The following FAM241A variants were observed in gnomAD, a reference collection of about 807,000 sequenced individuals.
FAM241A encodes family with sequence similarity 241 member A, also known as uncharacterized protein FAM241A.
FAM241A carries 7 observed loss-of-function variants against 12.2 expected under a neutral mutation model. The observed-to-expected ratio is 0.58, with a 90% CI of 0.33 to 1.08. The LOEUF (loss-of-function observed/expected upper bound fraction) is 1.08. Ranked by LOEUF, FAM241A falls within the 50% of genes least tolerant of loss-of-function variation. FAM241A has a pLI of 0.04. For missense variants in FAM241A, 161 were observed against 169.7 expected (o/e 0.95, Z 0.29); for synonymous variants, 74 against 68.2 (o/e 1.08, Z -0.42).
intron 1 of FAM241A, among the ~76,000 whole-genome samples, chr4:112,178,099 G>T (rs1560584993): frequency 1.3e-5 from 2 of 152,178 alleles, no homozygotes; most frequent in East Asian, 1.9e-4. Context: ...CCCTTAGTGG[G>T]TTCAAAGCTA....
In FAM241A at chr4:112,183,637, CA is replaced by C. The variant is rs548921668; in HGVS notation, c.154-3048del. Among the ~76,000 whole-genome samples, 6 of 145,506 alleles carry C rather than the reference CA, an allele frequency of 4.1e-5. No homozygotes were observed. In the South Asian group the frequency reaches 1.3e-3, roughly 32 times the overall value. Reference sequence around the variant, plus strand: ...AAGTCTTAAAAAGCTTCAGTAACAACAAAAAAAACCCCAAAGTACAATGAGT... The same window carrying C: ...AAGTCTTAAAAAGCTTCAGTAACAACAAAAAAACCCCAAAGTACAATGAGT... On this transcript the variant is annotated intron_variant, in intron 1 of 1. Coordinates refer to ENST00000309733, the MANE Select transcript of FAM241A (RefSeq NM_152400.3).
chr4:112,175,992 C>A (rs1461430544), intron 1 of FAM241A, among the ~76,000 whole-genome samples: 2 of 152,142 alleles, frequency 1.3e-5, no homozygotes, highest in Non-Finnish European at 2.9e-5. Flanking sequence ...ATACTGGACA[C>A]AGGAAGACAG....
At chr4:112,150,855 A>C (rs1194361910) in intron 1 of FAM241A, among the ~76,000 whole-genome samples, 2 of 152,252 alleles carry the variant, frequency 1.3e-5, no homozygotes, top group Non-Finnish European at 2.9e-5. Flanking sequence ...TATATGAATT[A>C]ATAATATATG....
chr4:112,159,431 T>C (rs2110423431), intron 1 of FAM241A, among the ~76,000 whole-genome samples: 1 of 152,272 alleles, frequency 6.6e-6, no homozygotes, highest in African/African-American at 2.4e-5. Flanking sequence ...ATTTCCTCTT[T>C]TAAAGGGTGC....
At chr4:112,149,245 A>G (rs1723199378) in intron 1 of FAM241A, among the ~76,000 whole-genome samples, 1 of 152,006 alleles carries the variant, frequency 6.6e-6, no homozygotes, top group Admixed American at 6.6e-5. Context: ...GCCTCAAGCA[A>G]TCCTCCCGTC....
intron 1 of FAM241A, among the ~76,000 whole-genome samples, chr4:112,185,902 T>C (rs926743541): frequency 2.0e-5 from 3 of 152,172 alleles, no homozygotes; most frequent in Non-Finnish European, 4.4e-5. Flanking sequence ...AACAGCAAAT[T>C]CCTTCTTCCT....
At chr4:112,177,304 T>TATATCC (rs1484121453) in intron 1 of FAM241A, among the ~76,000 whole-genome samples, 1 of 152,212 alleles carries the variant, frequency 6.6e-6, no homozygotes, top group Non-Finnish European at 1.5e-5. Flanking sequence ...AAAGTGTATT[T>TATATCC]ATATAGCTTA....
chr4:112,175,490 G>A lies in FAM241A; in HGVS notation c.154-11203G>A, dbSNP rs369282547. 5.3e-5 allele frequency among the ~76,000 whole-genome samples: 8 copies of A among 152,230 alleles called. No homozygotes were observed. In the East Asian group the frequency reaches 1.4e-3, roughly 26 times the overall value. On this transcript the variant is annotated intron_variant, in intron 1 of 1. Coordinates refer to ENST00000309733, the MANE Select transcript of FAM241A (RefSeq NM_152400.3). ...TCCCAAGAAAATGAAATGTTCAGCC[G>A]GGTGTGGTGGCTCACACCGGTACTC...
chr4:112,154,027 G>A (rs961915169), intron 1 of FAM241A, among the ~76,000 whole-genome samples: 1 of 151,804 alleles, frequency 6.6e-6, no homozygotes, highest in Non-Finnish European at 1.5e-5. Context: ...AATTTTACTT[G>A]AATGTCTGCA....
rs1483993114 is a variant in FAM241A at position 112,187,684 on chromosome 4, A to AG, written c.*747dup. 7.9e-5 allele frequency: 12 copies of AG among 152,648 alleles called. No individual in the cohort carries two copies. Among genetic ancestry groups the AG allele is most frequent in the Admixed American group, 2.6e-4 (4 of 15,290 alleles). 9.5% of individuals were successfully genotyped at this position (152,648 alleles called of 1,614,324 possible). ...GTGAGTTTTTAAAGTCTCATAGCCTAGTTGACTGCACCCTATGGTAATGCC... is the reference window on the plus strand; with the variant it reads ...GTGAGTTTTTAAAGTCTCATAGCCTAGGTTGACTGCACCCTATGGTAATGCC... On this transcript the variant is annotated 3_prime_UTR_variant, in exon 2 of 2. Transcript: ENST00000309733.
chr4:112,148,702 C>T (rs922654032), intron 1 of FAM241A, among the ~76,000 whole-genome samples: 9 of 152,130 alleles, frequency 5.9e-5, no homozygotes, highest in African/African-American at 2.2e-4. Context: ...CACAGCTATT[C>T]CATATATGTG....
chr4:112,150,722 G>A (rs925526705), intron 1 of FAM241A, among the ~76,000 whole-genome samples: 9 of 152,314 alleles, frequency 5.9e-5, no homozygotes, highest in Admixed American at 1.3e-4. Context: ...CTAGATCAGG[G>A]TTACCTGGGT....
chr4:112,167,519 T>C (rs554343409), intron 1 of FAM241A, among the ~76,000 whole-genome samples: 1 of 152,328 alleles, frequency 6.6e-6, no homozygotes, highest in African/African-American at 2.4e-5. Flanking sequence ...CTCTAAGACA[T>C]TCATGTAGAA....
Position 112,187,042 on chromosome 4 carries a change from A to G in FAM241A, c.*104A>G, listed in dbSNP as rs1724062737. The stretch of plus-strand genomic sequence containing the variant: ...ACCGAAAAAGTTTGCCTTGTTTCAA[A>G]TCATGTGCTGGCTGTTTTGTAAGTA... On this transcript the variant is annotated 3_prime_UTR_variant, in exon 2 of 2. Transcript: ENST00000309733. The G allele has an allele frequency of 7.7e-7, 1 of 1,303,734 alleles. No homozygotes were observed. The highest frequency in any genetic ancestry group is 1.5e-5 in the African/African-American group (1 of 67,590). The allele number at this position is 1,303,734 out of a possible 1,614,324, so 80.8% of individuals were successfully genotyped here.
chr4:112,178,900 A>G (rs1310366680), intron 1 of FAM241A, among the ~76,000 whole-genome samples: 2 of 152,212 alleles, frequency 1.3e-5, no homozygotes, highest in Non-Finnish European at 2.9e-5. Flanking sequence ...TCATGAGAGA[A>G]ATACAAATCA....
chr4:112,149,863 T>G (rs1307996038), intron 1 of FAM241A, among the ~76,000 whole-genome samples: 1 of 152,184 alleles, frequency 6.6e-6, no homozygotes, highest in Admixed American at 6.5e-5. Context: ...TATTTTCACA[T>G]TGGCTGTAAA....
At chr4:112,152,133 A>G (rs992465862) in intron 1 of FAM241A, among the ~76,000 whole-genome samples, 1 of 152,196 alleles carries the variant, frequency 6.6e-6, no homozygotes, top group Non-Finnish European at 1.5e-5. Context: ...TTTGATAGGC[A>G]TCTTTTGTTC....
chr4:112,186,259 A>G lies in FAM241A; in HGVS notation c.154-434A>G, dbSNP rs578093843. 9.2e-5 allele frequency among the ~76,000 whole-genome samples: 14 copies of G among 152,318 alleles called. No individual in the cohort carries two copies. In the East Asian group the frequency reaches 2.5e-3, roughly 27 times the overall value. ...GAAACTATGCAAGGGCCTGCGCTGA[A>G]GTCTGCTTAGCTGAGCCTAAGACAA... On this transcript the variant is annotated intron_variant, in intron 1 of 1. Transcript: ENST00000309733.
intron 1 of FAM241A, among the ~76,000 whole-genome samples, chr4:112,170,035 T>C (rs1723683807): frequency 6.6e-6 from 1 of 152,218 alleles, no homozygotes; most frequent in Admixed American, 6.5e-5. Flanking sequence ...TTCCAGTTTT[T>C]TGGCGAGAAA....
Sources: allele counts gnomAD v4.1 joint callset (sites outside exome capture counted in the v4.1 genomes callset), GRCh38; gene constraint gnomAD v4.1.1; transcripts MANE v1.5; gene names NCBI Gene and HGNC (gene_info 2026-07-23, HGNC 2026-07-21).